Variants in DNHD1 observed in about 807,000 individuals in gnomAD.
DNHD1 encodes the protein dynein heavy chain domain-containing protein 1.
Under a neutral mutation model 458.1 loss-of-function variants are expected in DNHD1, and 383 were observed. The ratio of observed to expected loss-of-function variants is 0.84; its 90% confidence interval spans 0.77 to 0.91. The LOEUF is 0.91. DNHD1 is among the 40% of genes least tolerant of loss of function. The probability of loss-of-function intolerance (pLI) is 0.00; values close to 1 mark genes in which losing one functional copy is unlikely to be tolerated. For synonymous variants in DNHD1, 2,203 were observed against 2,376.9 expected, an observed-to-expected ratio of 0.93 and a Z score of 2.13; for missense variants, 5,336 against 5,866.1, an observed-to-expected ratio of 0.91 and a Z score of 2.95.
intron 10 of DNHD1, 112 bp downstream of exon 10, chr11:6,520,401 G>A: frequency 6.5e-7 from 1 of 1,539,514 alleles, no homozygotes; most frequent in Non-Finnish European, 8.8e-7. Flanking sequence ...CAGGCACTGG[G>A]TGTGGATGGA....
intron 7 of DNHD1, among the ~76,000 whole-genome samples, chr11:6,518,992 C>G (rs892332232): frequency 3.3e-5 from 5 of 152,196 alleles, no homozygotes; most frequent in Non-Finnish European, 7.3e-5. Flanking sequence ...TACCTCTTCT[C>G]TGTTCCTCAA....
chr11:6,550,359 TAGAA>T (rs1239180127), intron 24 of DNHD1, among the ~76,000 whole-genome samples: 2 of 152,114 alleles, frequency 1.3e-5, no homozygotes, highest in Non-Finnish European at 2.9e-5. Context: ...TTAGAGACAA[TAGAA>T]GGAGTAAAGA....
rs903596980 is a variant in DNHD1, at chr11:6,556,673, T to C, written c.7388-10T>C. ...TACATGTCCTCATTATTATTCCTCATGTCCCATAGACCCAGAGAAGAGCTG... is the reference window on the plus strand; with the variant it reads ...TACATGTCCTCATTATTATTCCTCACGTCCCATAGACCCAGAGAAGAGCTG... On this transcript the variant is annotated splice_polypyrimidine_tract_variant and intron_variant, in intron 24 of 42. Coordinates refer to ENST00000254579, the MANE Select transcript of DNHD1 (RefSeq NM_144666.3). 2.6e-6 allele frequency: 4 copies of C among 1,530,744 alleles called. No individual in the cohort carries two copies. Among genetic ancestry groups the C allele is most frequent in the Non-Finnish European group, 3.5e-6 (4 of 1,132,930 alleles). The allele number at this position is 1,530,744 out of a possible 1,614,324, so 94.8% of individuals were successfully genotyped here.
In DNHD1 at chr11:6,545,316, G is replaced by T. The variant is rs1185166498; in HGVS notation, c.4377G>T (p.Leu1459=). 1 of 1,551,646 alleles carries T rather than the reference G, an allele frequency of 6.4e-7. No individual in the cohort carries two copies. The highest frequency in any genetic ancestry group is 8.7e-7 in the Non-Finnish European group (1 of 1,147,026). ...ASLEKCLRLA[L]VHMLQGCVAA... The stretch of plus-strand genomic sequence containing the variant: ...TGGAGAAGTGTCTGCGCTTGGCACT[G>T]GTGCACATGCTGCAGGGCTGTGTGG... The change falls in exon 21 of 43, where the codon CTG becomes CTT. Residue 1459 remains leucine (L), a synonymous_variant. Coordinates refer to ENST00000254579, the MANE Select transcript of DNHD1 (RefSeq NM_144666.3). This position sits in a 1 kb window ranked among gnomAD's most constrained non-coding sequence, Gnocchi z 4.9.
intron 10 of DNHD1, among the ~76,000 whole-genome samples, chr11:6,523,938 T>TA (rs935593742): frequency 6.6e-6 from 1 of 152,158 alleles, no homozygotes; most frequent in African/African-American, 2.4e-5. Context: ...CAGTGAGGCA[T>TA]GATCACACCA....
rs1465531384 is a variant in DNHD1, at chr11:6,538,442, C to T, written c.3058C>T (p.Arg1020Cys). Residue 1020 changes from arginine (R) to cysteine (C), a missense_variant, in exon 15 of 43, where the codon CGC (arginine) becomes TGC (cysteine). This residue lies in a region of DNHD1 where 3,932 missense variants were observed against 4,365.6 expected (regional missense o/e 0.90). Coordinates refer to ENST00000254579, the MANE Select transcript of DNHD1 (RefSeq NM_144666.3). ...GACACGTCCTATTGTGCAGCAGCAG[C>T]GCATATGGCACCTGTACCGAGTCAT... ...CGTRPIVQQQ[R>C]IWHLYRVISE... 1.6e-5 allele frequency: 25 copies of T among 1,551,644 alleles called. No homozygotes were observed. The highest frequency in any genetic ancestry group is 1.8e-5 in the Non-Finnish European group (21 of 1,147,010).
At chr11:6,553,643 C>T (rs2134440862) in intron 24 of DNHD1, among the ~76,000 whole-genome samples, 1 of 152,272 alleles carries the variant, frequency 6.6e-6, no homozygotes, top group East Asian at 1.9e-4. Flanking sequence ...TAAGTTAATT[C>T]ATCAGGGTCA....
In DNHD1 at chr11:6,565,822, T is replaced by C. The variant is rs1457350798; in HGVS notation, c.10884T>C (p.Asn3628=). 2.6e-6 allele frequency: 4 copies of C among 1,550,934 alleles called. No individual in the cohort carries two copies. The highest frequency in any genetic ancestry group is 3.5e-6 in the Non-Finnish European group (4 of 1,146,894). Reference sequence around the variant, plus strand: ...AGCAGAAGGCAGAGGAAAGAAAAAATGAGCAGGAGAAAGAGCAAGAGGAAA... The same window carrying C: ...AGCAGAAGGCAGAGGAAAGAAAAAACGAGCAGGAGAAAGAGCAAGAGGAAA... ...TKEQKAEERK[N]EQEKEQEENE... is the part of the protein sequence containing the mutation. Residue 3628 remains asparagine, a synonymous_variant, in exon 33 of 43, where the codon AAT becomes AAC. Coordinates refer to ENST00000254579, the MANE Select transcript of DNHD1 (RefSeq NM_144666.3).
intron 21 of DNHD1, 53 bp downstream of exon 21, chr11:6,547,719 G>A (rs1253330428): frequency 1.3e-6 from 2 of 1,488,934 alleles, no homozygotes; most frequent in Non-Finnish European, 1.8e-6. Context: ...AGGGTAGCTG[G>A]GGTATATAGC....
chr11:6,512,980 G>C (rs1282184755), intron 7 of DNHD1, among the ~76,000 whole-genome samples: 2 of 152,116 alleles, frequency 1.3e-5, no homozygotes, highest in Non-Finnish European at 2.9e-5. Flanking sequence ...TTAGAGGAAA[G>C]GGGCCAAAGG....
In DNHD1 at chr11:6,498,522, G is replaced by C. The variant is rs1297056131; in HGVS notation, c.307G>C (p.Asp103His). The C allele has an allele frequency of 1.4e-5, 23 of 1,614,084 alleles. No individual in the cohort carries two copies. The highest frequency in any genetic ancestry group is 1.9e-5 in the Non-Finnish European group (22 of 1,180,038). Reference sequence around the variant, plus strand: ...TCGTGAGTTGCTAGTTGGCCACCTTGATTTGCTGCCCTTCCTGGAGCAGCT... The same window carrying C: ...TCGTGAGTTGCTAGTTGGCCACCTTCATTTGCTGCCCTTCCTGGAGCAGCT... The part of the protein sequence containing the change: ...PYRELLVGHL[D>H]LLPFLEQLYC... Residue 103 changes from aspartate to histidine, a missense_variant, in exon 3 of 43, where the codon GAT (aspartate) becomes CAT (histidine). Asp to His is a moderately conservative substitution (Grantham distance 81, BLOSUM62 -1). This residue lies in a region of DNHD1 where 3,932 missense variants were observed against 4,365.6 expected (regional missense o/e 0.90). Transcript: ENST00000254579.
At chr11:6,538,931 C>A (rs1220623353) in intron 16 of DNHD1, 121 bp downstream of exon 16, 25 of 1,098,710 alleles carry the variant, frequency 2.3e-5, no homozygotes, top group Non-Finnish European at 3.2e-5. Context: ...TTCTCCCTAC[C>A]TTTCCCACAT....
chr11:6,514,261 A>G (rs1057047115), intron 7 of DNHD1, among the ~76,000 whole-genome samples: 4 of 151,858 alleles, frequency 2.6e-5, no homozygotes, highest in Non-Finnish European at 4.4e-5. Flanking sequence ...GAGCCACAAC[A>G]CCCAGCTAAT....
In DNHD1 at chr11:6,551,680, C is replaced by A. The variant is rs181529399; in HGVS notation, c.7387+2747C>A. 2.0e-5 allele frequency among the ~76,000 whole-genome samples: 3 copies of A among 152,306 alleles called. No individual in the cohort carries two copies. In the South Asian group the frequency reaches 6.2e-4, roughly 32 times the overall value. ...AGCCAGGGCCGGGCACTGTGGCTCACGCCTGTAATCCCGGCACTTTGGGAG... is the reference window on the plus strand; with the variant it reads ...AGCCAGGGCCGGGCACTGTGGCTCAAGCCTGTAATCCCGGCACTTTGGGAG... On this transcript the variant is annotated intron_variant, in intron 24 of 42. Transcript: ENST00000254579.
chr11:6,537,185 A>G (rs1465728369), intron 14 of DNHD1, among the ~76,000 whole-genome samples: 3 of 152,220 alleles, frequency 2.0e-5, no homozygotes, highest in Admixed American at 2.0e-4. Context: ...ATTGACACTT[A>G]TCTCACAACT....
Position 6,556,967 on chromosome 11 carries a change from G to A in DNHD1, c.7672G>A (p.Ala2558Thr), listed in dbSNP as rs1853475886. The change falls in exon 25 of 43, where the codon GCT (alanine) becomes ACT (threonine). Residue 2558 changes from alanine (A) to threonine (T), a missense_variant. Ala to Thr is a moderately conservative substitution (Grantham distance 58). This residue lies in a region of DNHD1 where 3,932 missense variants were observed against 4,365.6 expected (regional missense o/e 0.90). Coordinates refer to ENST00000254579, the MANE Select transcript of DNHD1 (RefSeq NM_144666.3). ...TTTCCCTTCTGTGGAACGGGAGCGT[G>A]CTCTGGCACGAGGTCTGGTTAGGGC... The part of the protein sequence containing the change: ...ERFPSVERER[A>T]LARGLVRASV... 2 of 1,551,598 alleles carry A rather than the reference G, an allele frequency of 1.3e-6. No homozygotes were observed. Among genetic ancestry groups the A allele is most frequent in the Admixed American group, 3.9e-5 (2 of 50,990 alleles).
chr11:6,536,900 C>G (rs1852962866), intron 14 of DNHD1, among the ~76,000 whole-genome samples: 1 of 152,166 alleles, frequency 6.6e-6, no homozygotes, highest in Non-Finnish European at 1.5e-5. Flanking sequence ...TGAGTTTAGA[C>G]AAAGACTGGA....
intron 13 of DNHD1, 133 bp from the exon 14 acceptor site, chr11:6,533,548 G>T (rs1441935913): frequency 1.7e-6 from 2 of 1,160,620 alleles, no homozygotes; most frequent in Non-Finnish European, 2.4e-6. Context: ...GATTGCCCCT[G>T]ATTCCAGTTG....
chr11:6,534,986 G>C (rs1210216620), intron 14 of DNHD1, among the ~76,000 whole-genome samples: 1 of 152,162 alleles, frequency 6.6e-6, no homozygotes, highest in Non-Finnish European at 1.5e-5. Flanking sequence ...GACTCAGGCA[G>C]TCCTTCTGCC....
Sources: allele counts gnomAD v4.1 joint callset (sites outside exome capture counted in the v4.1 genomes callset), GRCh38; gene constraint gnomAD v4.1.1; regional missense constraint gnomAD v4.1.1; non-coding constraint Gnocchi (gnomAD v3.1); transcripts MANE v1.5; gene names NCBI Gene and HGNC (gene_info 2026-07-23, HGNC 2026-07-21).